Variants in PRTG observed in about 807,000 individuals in gnomAD.
The protein encoded by PRTG is protogenin.
PRTG carries 67 observed loss-of-function variants against 122.5 expected under a neutral mutation model. The ratio of observed to expected loss-of-function variants is 0.55; its 90% CI spans 0.45 to 0.67. The LOEUF is 0.67. Ranked by LOEUF, PRTG falls within the 30% of genes least tolerant of loss-of-function variation. PRTG has a pLI of 0.00. For missense variants in PRTG, 1,435 were observed against 1,415.4 expected (o/e 1.01, Z -0.22); for synonymous variants, 554 against 501.1 (o/e 1.11, Z -1.41).
intron 2 of PRTG, among the ~76,000 whole-genome samples, chr15:55,719,769 G>A (rs138830527): frequency 2.0e-5 from 3 of 152,058 alleles, no homozygotes; most frequent in East Asian, 1.9e-4. Context: ...CTTAAAAACC[G>A]TGGGTTTGGC....
chr15:55,624,838 T>C (rs1237097952), intron 17 of PRTG, among the ~76,000 whole-genome samples: 2 of 152,218 alleles, frequency 1.3e-5, no homozygotes, highest in Non-Finnish European at 2.9e-5. Flanking sequence ...AGCATAACAA[T>C]TCACTTTCCA....
intron 11 of PRTG, among the ~76,000 whole-genome samples, chr15:55,663,070 T>C (rs1310863975): frequency 6.6e-6 from 1 of 152,210 alleles, no homozygotes; most frequent in Non-Finnish European, 1.5e-5. Context: ...AGAGTAAAAG[T>C]ACCATCCCTT....
chr15:55,652,746 A>C (rs1239169707), intron 11 of PRTG, among the ~76,000 whole-genome samples: 2 of 152,152 alleles, frequency 1.3e-5, no homozygotes, highest in Non-Finnish European at 2.9e-5. Flanking sequence ...CAAAAACACA[A>C]ATCACATTTG....
Position 55,626,460 on chromosome 15 carries a change from T to C in PRTG, c.2927+548A>G, listed in dbSNP as rs181382884. ...TCATTTAAGAATATTGGCATTAGCA[T>C]TGGCTGGGAGCAGTGGCTGATACCT... On this transcript the variant is annotated intron_variant, in intron 17 of 19. Transcript: ENST00000389286. Among the ~76,000 whole-genome samples, 1,170 of 149,764 alleles carry C rather than the reference T, an allele frequency of 7.8e-3. 17 individuals are homozygous for C. Among genetic ancestry groups the C allele is most frequent in the African/African-American group, 0.027 (1,116 of 40,700 alleles).
intron 11 of PRTG, among the ~76,000 whole-genome samples, chr15:55,651,556 T>G (rs1380174959): frequency 6.6e-6 from 1 of 152,162 alleles, no homozygotes; most frequent in Non-Finnish European, 1.5e-5. Context: ...GTAAAACCGA[T>G]GGACATCAAA....
At position 55,613,989 on chromosome 15, in the gene PRTG, T is replaced by C. The variant is rs1307166585; in HGVS notation, c.*6023A>G. On this transcript the variant is annotated 3_prime_UTR_variant, in exon 20 of 20. Coordinates refer to ENST00000389286, the MANE Select transcript of PRTG (RefSeq NM_173814.6). Reference sequence around the variant, plus strand: ...AACCATGTGCTTGGCACACTGTAGATGCTCAACAAATGGCATCATATTACT... The same window carrying C: ...AACCATGTGCTTGGCACACTGTAGACGCTCAACAAATGGCATCATATTACT... 6.6e-6 allele frequency: 1 copy of C among 152,084 alleles called. No individual in the cohort carries two copies. Among genetic ancestry groups the C allele is most frequent in the African/African-American group, 2.4e-5 (1 of 41,450 alleles). The allele number at this position is 152,084 out of a possible 1,614,324, so 9.4% of individuals were successfully genotyped here. A position where few individuals can be genotyped will look rare whatever the true frequency, so the allele number is the denominator to read the frequency against.
chr15:55,628,947 T>C lies in PRTG; in HGVS notation c.2681A>G (p.Lys894Arg). 4 of 1,614,038 alleles carry C rather than the reference T, an allele frequency of 2.5e-6. No individual in the cohort carries two copies. The highest frequency in any genetic ancestry group is 2.5e-6 in the Non-Finnish European group (3 of 1,179,918). ...NLVAGNVYIV[K>R]ISASNEVGEG... ...TCCCACCTCATTGGATGCAGATATC[T>C]TGACAATGTACACATTTCCTGCTAC... Residue 894 changes from lysine to arginine, a missense_variant, in exon 16 of 20, where the codon AAG (lysine) becomes AGG (arginine). Lys to Arg is a conservative substitution (Grantham distance 26, BLOSUM62 2). Transcript: ENST00000389286.
At chr15:55,688,695 G>C (rs1432358085) in intron 2 of PRTG, among the ~76,000 whole-genome samples, 1 of 152,144 alleles carries the variant, frequency 6.6e-6, no homozygotes, top group Non-Finnish European at 1.5e-5. Flanking sequence ...TTAGCTGGGC[G>C]TTGTGGTGCG....
chr15:55,671,122 T>C (rs1048341160), intron 11 of PRTG, among the ~76,000 whole-genome samples: 2 of 152,208 alleles, frequency 1.3e-5, no homozygotes, highest in Non-Finnish European at 2.9e-5. Context: ...TCTGTGTCCC[T>C]GCATCTGAAA....
At chr15:55,629,033 G>C in intron 15 of PRTG, 29 bp from the exon 16 acceptor site, 1 of 1,479,100 alleles carries the variant, frequency 6.8e-7, no homozygotes, top group African/African-American at 1.4e-5. Flanking sequence ...CAAATTAAGT[G>C]AACATTTATC....
intron 2 of PRTG, among the ~76,000 whole-genome samples, chr15:55,732,620 G>A (rs1282463870): frequency 6.7e-6 from 1 of 150,094 alleles, no homozygotes; most frequent in African/African-American, 2.5e-5. Context: ...TCAGCCTCCC[G>A]AGTAGCTAGG....
chr15:55,634,429 A>G (rs2059245149), intron 15 of PRTG, among the ~76,000 whole-genome samples: 1 of 152,184 alleles, frequency 6.6e-6, no homozygotes, highest in South Asian at 2.1e-4. Context: ...TGTTCATGCT[A>G]TCAAAATTCT....
At chr15:55,634,001 G>A (rs926366667) in intron 15 of PRTG, among the ~76,000 whole-genome samples, 2 of 150,836 alleles carry the variant, frequency 1.3e-5, no homozygotes, top group African/African-American at 4.9e-5. Flanking sequence ...ACTATTTTCT[G>A]AGCTCTGTTC....
intron 2 of PRTG, among the ~76,000 whole-genome samples, chr15:55,723,408 A>G (rs1482768654): frequency 6.6e-5 from 10 of 150,532 alleles, no homozygotes; most frequent in Non-Finnish European, 8.9e-5. Context: ...AAAAAAAAAA[A>G]GGGTGAATAG....
chr15:55,711,567 T>C (rs139864493), intron 2 of PRTG, among the ~76,000 whole-genome samples: 3 of 152,172 alleles, frequency 2.0e-5, no homozygotes, highest in East Asian at 1.9e-4. Flanking sequence ...GCCAAAGACA[T>C]GTGAACAAAC....
chr15:55,677,224 A>T (rs1287654759), intron 8 of PRTG, among the ~76,000 whole-genome samples: 1 of 152,186 alleles, frequency 6.6e-6, no homozygotes, highest in Non-Finnish European at 1.5e-5. Context: ...TGGAAGACAC[A>T]TTTGATTTCT....
intron 11 of PRTG, chr15:55,655,697 T>C (rs1238962078): frequency 1.3e-5 from 2 of 151,822 alleles, no homozygotes; most frequent in Non-Finnish European, 2.9e-5. Context: ...TATAAGAAAC[T>C]GATGTTCTGT....
intron 10 of PRTG, 50 bp from the exon 11 acceptor site, chr15:55,672,683 T>C: frequency 3.5e-6 from 5 of 1,419,902 alleles, no homozygotes; most frequent in Non-Finnish European, 4.8e-6. Flanking sequence ...AATATCCACA[T>C]AAAGACACAG....
At chr15:55,677,244 T>C (rs573761121) in intron 8 of PRTG, among the ~76,000 whole-genome samples, 1 of 152,344 alleles carries the variant, frequency 6.6e-6, no homozygotes, top group South Asian at 2.1e-4. Context: ...TACTTTTATA[T>C]GATGAGATAG....
Sources: gnomAD v4.1 joint callset for allele counts (sites outside exome capture counted in the v4.1 genomes callset) on GRCh38, gnomAD v4.1.1 for gene constraint, MANE v1.5 for transcripts, NCBI Gene and HGNC (gene_info 2026-07-23, HGNC 2026-07-21) for gene names.